DTNB: variants seen among roughly 807,000 people sequenced by gnomAD.
The protein encoded by DTNB is DTN-B.
In DTNB, 63 loss-of-function variants were observed where a neutral mutation model predicts 90.7. The observed-to-expected ratio is 0.69, with a 90% CI of 0.57 to 0.86. The LOEUF is 0.86. Ranked by LOEUF, DTNB falls within the 40% of genes least tolerant of loss-of-function variation. DTNB has a pLI of 0.00. For synonymous variants in DTNB, 277 were observed against 286.7 expected (o/e 0.97, Z 0.34); for missense variants, 744 against 807.1 (o/e 0.92, Z 0.95).
At chr2:25,521,602 T>C (rs991194561) in intron 9 of DTNB, among the ~76,000 whole-genome samples, 1 of 130,882 alleles carries the variant, frequency 7.6e-6, no homozygotes, top group Non-Finnish European at 1.5e-5. Flanking sequence ...CATGGTGGTC[T>C]TGAACTCCTG....
At chr2:25,561,059 C>A (rs2058183093) in intron 8 of DTNB, among the ~76,000 whole-genome samples, 1 of 152,162 alleles carries the variant, frequency 6.6e-6, no homozygotes, top group Admixed American at 6.5e-5. Flanking sequence ...AGCACCTACT[C>A]TCACCAACTT....
chr2:25,502,728 C>T (rs895118604), intron 9 of DTNB, among the ~76,000 whole-genome samples: 1 of 151,218 alleles, frequency 6.6e-6, no homozygotes, highest in South Asian at 2.1e-4. Context: ...CTAAGAAAAA[C>T]CCAAAAAATT....
chr2:25,472,554 T>C (rs1363668589), intron 10 of DTNB, among the ~76,000 whole-genome samples: 1 of 152,202 alleles, frequency 6.6e-6, no homozygotes, highest in Admixed American at 6.5e-5. Flanking sequence ...GGCCATCAGC[T>C]ACCTATGGCT....
intron 2 of DTNB, among the ~76,000 whole-genome samples, chr2:25,639,864 A>T (rs530025536): frequency 1.3e-5 from 2 of 152,324 alleles, no homozygotes; most frequent in East Asian, 1.9e-4. Context: ...ACCGTGAGAA[A>T]GCCCAGACTG....
At chr2:25,619,932 C>G (rs1026117858) in intron 4 of DTNB, among the ~76,000 whole-genome samples, 3 of 152,032 alleles carry the variant, frequency 2.0e-5, no homozygotes, top group African/African-American at 7.3e-5. Context: ...CCCAGCTACT[C>G]AGGAGGCTGA....
At chr2:25,503,115 G>A (rs1311787428) in intron 9 of DTNB, among the ~76,000 whole-genome samples, 3 of 130,882 alleles carry the variant, frequency 2.3e-5, no homozygotes, top group East Asian at 2.2e-4. Flanking sequence ...AGCTACGAAG[G>A]AAGAAGTCAA....
At chr2:25,416,783 TGGAA>T (rs879624056) in intron 16 of DTNB, among the ~76,000 whole-genome samples, 4 of 117,944 alleles carry the variant, frequency 3.4e-5, no homozygotes, top group South Asian at 2.6e-4. Flanking sequence ...AGCCAGAACC[TGGAA>T]GGAAGGAAGG....
In DTNB at chr2:25,616,630, T is replaced by TAAAAAAAAAAAAAAAAAAAAAAAA. The variant is rs58950790; in HGVS notation, c.363-9310_363-9309insTTTTTTTTTTTTTTTTTTTTTTTT. Among the ~76,000 whole-genome samples the TAAAAAAAAAAAAAAAAAAAAAAAA allele has an allele frequency of 3.9e-4, 46 of 117,654 alleles. 2 individuals carry two copies. Among genetic ancestry groups the TAAAAAAAAAAAAAAAAAAAAAAAA allele is most frequent in the African/African-American group, 1.5e-3 (45 of 29,190 alleles). 77.2% of individuals were successfully genotyped at this position (117,654 alleles called of 152,430 possible). On this transcript the variant is annotated intron_variant, in intron 4 of 20. Coordinates refer to ENST00000406818, the MANE Select transcript of DTNB (RefSeq NM_021907.5). ...ATAATCTAGATCAGGCTATTTATAG[T>TAAAAAAAAAAAAAAAAAAAAAAAA]AAAAAAAAAAAAAAAGACTTGGCCG...
chr2:25,587,735 T>C (rs868307812), intron 6 of DTNB, among the ~76,000 whole-genome samples: 3 of 152,176 alleles, frequency 2.0e-5, no homozygotes, highest in Non-Finnish European at 1.5e-5. Flanking sequence ...CAGGCCCAAC[T>C]AGAATAAAAT....
intron 8 of DTNB, among the ~76,000 whole-genome samples, chr2:25,562,687 T>A (rs1014851228): frequency 1.3e-5 from 2 of 152,228 alleles, no homozygotes; most frequent in African/African-American, 2.4e-5. Flanking sequence ...ATGTTAAACA[T>A]CTTTTCATGT....
intron 1 of DTNB, among the ~76,000 whole-genome samples, chr2:25,665,921 A>T (rs917569355): frequency 1.3e-5 from 2 of 152,228 alleles, no homozygotes; most frequent in African/African-American, 4.8e-5. Flanking sequence ...TGAGTAGCTA[A>T]ATAACCTCAC....
intron 4 of DTNB, among the ~76,000 whole-genome samples, chr2:25,621,152 G>A (rs1441177318): frequency 6.6e-6 from 1 of 152,214 alleles, no homozygotes; most frequent in Admixed American, 6.5e-5. Flanking sequence ...AAGCAGGGAT[G>A]TAAATAAATA....
At chr2:25,381,767 C>T (rs184061081) in intron 19 of DTNB, among the ~76,000 whole-genome samples, 41 of 152,364 alleles carry the variant, frequency 2.7e-4, no homozygotes, top group Admixed American at 1.2e-3. Context: ...AGCTCAGACT[C>T]ACTAGACGAT....
chr2:25,596,064 G>T (rs2064551996), intron 6 of DTNB, 22 bp downstream of exon 6: 2 of 1,570,546 alleles, frequency 1.3e-6, no homozygotes, highest in African/African-American at 1.4e-5. Flanking sequence ...TCTAGCCCTA[G>T]ATTCTATAAA....
chr2:25,631,706 C>G (rs1385574738), intron 3 of DTNB, among the ~76,000 whole-genome samples: 1 of 151,994 alleles, frequency 6.6e-6, no homozygotes, highest in African/African-American at 2.4e-5. Flanking sequence ...CAAAGGAATT[C>G]AGAAGCTTAG....
At chr2:25,519,096 G>C (rs2075677684) in intron 9 of DTNB, among the ~76,000 whole-genome samples, 2 of 152,154 alleles carry the variant, frequency 1.3e-5, no homozygotes, top group Admixed American at 1.3e-4. Flanking sequence ...AGGCACAGTG[G>C]CTCATGTCTA....
intron 8 of DTNB, among the ~76,000 whole-genome samples, chr2:25,551,483 G>A (rs1325797417): frequency 6.6e-6 from 1 of 152,176 alleles, no homozygotes; most frequent in Non-Finnish European, 1.5e-5. Flanking sequence ...GGGGATCCTT[G>A]GCTGAATCTG....
At chr2:25,468,035 T>A (rs1335777530) in intron 10 of DTNB, among the ~76,000 whole-genome samples, 1 of 152,090 alleles carries the variant, frequency 6.6e-6, no homozygotes, top group African/African-American at 2.4e-5. Context: ...TGTTCTGAGG[T>A]CAGTTATATA....
chr2:25,602,898 AT>A (rs2066205586), intron 5 of DTNB, among the ~76,000 whole-genome samples: 1 of 152,168 alleles, frequency 6.6e-6, no homozygotes, highest in African/African-American at 2.4e-5. Context: ...GTGTCCCAAA[AT>A]TTAACTGAGT....
Sources: gnomAD v4.1 joint callset for allele counts (sites outside exome capture counted in the v4.1 genomes callset) on GRCh38, gnomAD v4.1.1 for gene constraint, MANE v1.5 for transcripts, NCBI Gene and HGNC (gene_info 2026-07-23, HGNC 2026-07-21) for gene names.